JCAD: variants seen among roughly 807,000 people sequenced by gnomAD.
The protein encoded by JCAD is junctional cadherin 5-associated protein.
Under a neutral mutation model 98.0 loss-of-function variants are expected in JCAD, and 40 were observed. That is an observed-to-expected ratio of 0.41 (90% CI 0.32 to 0.53). JCAD has a LOEUF of 0.53. JCAD is among the 20% of genes least tolerant of loss of function. The pLI is 0.31. For missense variants in JCAD, 1,705 were observed against 1,738.1 expected (o/e 0.98, Z 0.34); for synonymous variants, 691 against 682.3 (o/e 1.01, Z -0.20).
At position 30,078,942 on chromosome 10, in the gene JCAD, A is replaced by G. The variant is rs74132242; in HGVS notation, n.129-9121T>C. 9.7e-3 allele frequency among the ~76,000 whole-genome samples: 1,469 copies of G among 152,210 alleles called. 26 individuals carry two copies. The highest frequency in any genetic ancestry group is 0.033 in the African/African-American group (1,378 of 41,534). On this transcript the variant is annotated intron_variant and non_coding_transcript_variant, in intron 1 of 2. Transcript: ENST00000465712. Reference sequence around the variant, plus strand: ...CTGGGAGCTTCATTTGTGGGCATGGAGGGAATAACAGTAGTGAAGGTAGGT... The same window carrying G: ...CTGGGAGCTTCATTTGTGGGCATGGGGGGAATAACAGTAGTGAAGGTAGGT...
intron 1 of JCAD, among the ~76,000 whole-genome samples, chr10:30,106,578 G>T (rs895608389): frequency 6.6e-6 from 1 of 152,180 alleles, no homozygotes; most frequent in African/African-American, 2.4e-5. Flanking sequence ...TCGGCTTACC[G>T]CAACCTCTGC....
At chr10:30,099,288 T>C (rs1342760288) in intron 1 of JCAD, among the ~76,000 whole-genome samples, 1 of 152,176 alleles carries the variant, frequency 6.6e-6, no homozygotes, top group Non-Finnish European at 1.5e-5. Flanking sequence ...TAACTTCTCA[T>C]TTTCTGTCTC....
intron 2 of JCAD, chr10:30,069,611 C>G (rs1299538803): frequency 8.2e-6 from 1 of 122,164 alleles, no homozygotes; most frequent in African/African-American, 3.1e-5. Context: ...ACCCCCCCCC[C>G]CAAAAAAAAA....
In JCAD at chr10:30,029,985, C is replaced by T. The variant is rs1019108454; in HGVS notation, c.282-119G>A. 3.8e-5 allele frequency: 42 copies of T among 1,101,064 alleles called. No individual in the cohort carries two copies. The African/African-American group carries it at 4.6e-4, about 12-fold the overall frequency. The allele number at this position is 1,101,064 out of a possible 1,614,324, so 68.2% of individuals were successfully genotyped here. The stretch of plus-strand genomic sequence containing the variant: ...ACTTTGAAAACTTGGTTCCCAGCCA[C>T]AGTACTTGCCAGCTTGAAAGAAAAC... On this transcript the variant is annotated intron_variant, in intron 2 of 3. Transcript: ENST00000375377.
intron 1 of JCAD, among the ~76,000 whole-genome samples, chr10:30,084,243 T>C (rs1414840274): frequency 6.6e-6 from 1 of 151,938 alleles, no homozygotes; most frequent in Admixed American, 6.6e-5. Context: ...AAGGAAAATA[T>C]GCAAATAGGC....
At chr10:30,046,591 G>A (rs2505084) in intron 2 of JCAD, among the ~76,000 whole-genome samples, 60,112 of 152,152 alleles carry the variant, frequency 0.4, 12,922 homozygotes, top group Non-Finnish European at 0.48. Flanking sequence ...GAATGGGTGC[G>A]TGGTTGTGAA....
At chr10:30,050,251 G>A (rs1589694278) in intron 1 of JCAD, among the ~76,000 whole-genome samples, 1 of 149,078 alleles carries the variant, frequency 6.7e-6, no homozygotes, top group African/African-American at 2.5e-5. Flanking sequence ...GGAGGCGGAG[G>A]TGGCCATGAG....
At chr10:30,084,149 AAG>A (rs1838131100) in intron 1 of JCAD, among the ~76,000 whole-genome samples, 1 of 151,694 alleles carries the variant, frequency 6.6e-6, no homozygotes, top group South Asian at 2.1e-4. Flanking sequence ...GAAAAGAAAA[AAG>A]AAAAGGAAAG....
At chr10:30,022,240 G>A (rs1836674546) in intron 3 of JCAD, among the ~76,000 whole-genome samples, 1 of 152,150 alleles carries the variant, frequency 6.6e-6, no homozygotes, top group South Asian at 2.1e-4. Flanking sequence ...GACAGGCACG[G>A]CACAAGGGTG....
rs1442377096 is a variant in JCAD at position 30,014,629 on chromosome 10, T to G, written c.*3254A>C. 1.3e-5 allele frequency: 2 copies of G among 152,164 alleles called. No homozygotes were observed. The highest frequency in any genetic ancestry group is 4.8e-5 in the African/African-American group (2 of 41,440). 9.4% of individuals were successfully genotyped at this position (152,164 alleles called of 1,614,324 possible). ...CCCTTTTGCCTCCGAGTTGGGAAAG[T>G]AGTTGTTTCAACAGATCAGCTTCAT... On this transcript the variant is annotated 3_prime_UTR_variant, in exon 4 of 4. Coordinates refer to ENST00000375377, the MANE Select transcript of JCAD (RefSeq NM_020848.4).
chr10:30,106,396 A>G (rs1418782399), intron 1 of JCAD, among the ~76,000 whole-genome samples: 2 of 152,086 alleles, frequency 1.3e-5, no homozygotes, highest in Non-Finnish European at 2.9e-5. Flanking sequence ...GCACCACTGC[A>G]CTGGGCAACA....
At chr10:30,057,249 C>T (rs1837589819) in intron 1 of JCAD, among the ~76,000 whole-genome samples, 1 of 152,200 alleles carries the variant, frequency 6.6e-6, no homozygotes, top group Non-Finnish European at 1.5e-5. Flanking sequence ...TGTTTACTGT[C>T]CTCCCAAACT....
In JCAD at chr10:30,013,397, T is replaced by G. The variant is rs184513413; in HGVS notation, c.*4486A>C. ...CCCCCCGAGATGTTTCTGCTTAACTTCTCTGACAGGCCTGACTGTGAGGGC... is the reference window on the plus strand; with the variant it reads ...CCCCCCGAGATGTTTCTGCTTAACTGCTCTGACAGGCCTGACTGTGAGGGC... On this transcript the variant is annotated 3_prime_UTR_variant, in exon 4 of 4. Coordinates refer to ENST00000375377, the MANE Select transcript of JCAD (RefSeq NM_020848.4). 1 of 152,304 alleles carries G rather than the reference T, an allele frequency of 6.6e-6. No individual in the cohort carries two copies. The highest frequency in any genetic ancestry group is 1.9e-4 in the East Asian group (1 of 5,176). 9.4% of individuals were successfully genotyped at this position (152,304 alleles called of 1,614,324 possible).
At chr10:30,071,334 G>T (rs112833357) in intron 1 of JCAD, among the ~76,000 whole-genome samples, 3,759 of 152,134 alleles carry the variant, frequency 0.025, 176 homozygotes, top group African/African-American at 0.085. Flanking sequence ...TCCTTCCCAG[G>T]GAAGTGTAGT....
chr10:30,088,467 G>A (rs1354806987), intron 1 of JCAD, among the ~76,000 whole-genome samples: 1 of 152,148 alleles, frequency 6.6e-6, no homozygotes, highest in Non-Finnish European at 1.5e-5. Flanking sequence ...AGATCGGTCA[G>A]CTTAGTGTTC....
At chr10:30,098,947 G>A (rs1387851800) in intron 1 of JCAD, among the ~76,000 whole-genome samples, 1 of 152,052 alleles carries the variant, frequency 6.6e-6, no homozygotes, top group Non-Finnish European at 1.5e-5. Flanking sequence ...GGTTTTTTCA[G>A]TTTCCTTCAC....
intron 1 of JCAD, among the ~76,000 whole-genome samples, chr10:30,108,561 T>TTCATTGC (rs1489882340): frequency 6.6e-6 from 1 of 152,162 alleles, no homozygotes; most frequent in Non-Finnish European, 1.5e-5. Flanking sequence ...TATCCCATCG[T>TTCATTGC]TCATTGTTCA....
rs771760171 is a variant in JCAD at position 30,029,825 on chromosome 10, G to A, written c.323C>T (p.Pro108Leu). The A allele has an allele frequency of 1.3e-5, 21 of 1,614,048 alleles. No homozygotes were observed. Among genetic ancestry groups the A allele is most frequent in the African/African-American group, 2.7e-5 (2 of 74,928 alleles). ...QPPSAWSSHPPTGNDQAYRRR... is the reference protein window; with the variant it reads ...QPPSAWSSHPLTGNDQAYRRR... ...CCGGTAGGCTTGGTCGTTACCAGTC[G>A]GGGGATGAGAGGACCATGCTGAGGG... The change falls in exon 3 of 4, where the codon CCG (proline) becomes CTG (leucine). Residue 108 changes from proline to leucine, a missense_variant. By Grantham distance (98) the Pro-to-Leu change is moderately conservative (BLOSUM62 -3). This residue lies in a region of JCAD where 275 missense variants were observed against 346.9 expected (regional missense o/e 0.79). Coordinates refer to ENST00000375377, the MANE Select transcript of JCAD (RefSeq NM_020848.4).
intron 1 of JCAD, among the ~76,000 whole-genome samples, chr10:30,080,292 C>T (rs935787304): frequency 1.3e-5 from 2 of 152,188 alleles, no homozygotes; most frequent in African/African-American, 4.8e-5. Context: ...CAAACAGCAA[C>T]ACAGAGAACT....
Sources: gnomAD v4.1 joint callset for allele counts (sites outside exome capture counted in the v4.1 genomes callset) on GRCh38, gnomAD v4.1.1 for gene constraint, gnomAD v4.1.1 regional missense constraint, MANE v1.5 for transcripts, NCBI Gene and HGNC (gene_info 2026-07-23, HGNC 2026-07-21) for gene names.